Variants in GFRA1 observed in about 807,000 individuals in gnomAD.
The protein encoded by GFRA1 is GDNF family receptor alpha-1.
In GFRA1, 16 loss-of-function variants were observed where a neutral mutation model predicts 51.6. The observed-to-expected ratio is 0.31, with a 90% CI of 0.21 to 0.47. GFRA1 has a LOEUF of 0.47. GFRA1 is among the 20% of genes least tolerant of loss of function. The pLI, the probability that GFRA1 is intolerant of heterozygous loss-of-function variation, is 1.00. For missense variants in GFRA1, 530 were observed against 594.3 expected, an observed-to-expected ratio of 0.89 and a Z score of 1.13; for synonymous variants, 270 against 241.3, an observed-to-expected ratio of 1.12 and a Z score of -1.10.
At chr10:116,095,815 T>A (rs565760679) in intron 7 of GFRA1, among the ~76,000 whole-genome samples, 2 of 152,318 alleles carry the variant, frequency 1.3e-5, no homozygotes, top group East Asian at 3.9e-4. Flanking sequence ...ACACCCTGGC[T>A]GAGCCATCGT....
chr10:116,225,887 C>T (rs144447684), intron 4 of GFRA1, among the ~76,000 whole-genome samples: 1 of 152,310 alleles, frequency 6.6e-6, no homozygotes, highest in East Asian at 1.9e-4. Flanking sequence ...CTGTACCCGA[C>T]TGAAATTAAA....
intron 5 of GFRA1, among the ~76,000 whole-genome samples, chr10:116,185,872 C>A (rs1451171049): frequency 6.6e-6 from 1 of 152,238 alleles, no homozygotes; most frequent in Non-Finnish European, 1.5e-5. Context: ...GTGCTGCTCA[C>A]AATGTCCCAC....
intron 4 of GFRA1, among the ~76,000 whole-genome samples, chr10:116,251,038 T>C (rs1968302628): frequency 6.6e-6 from 1 of 152,234 alleles, no homozygotes; most frequent in East Asian, 1.9e-4. Flanking sequence ...GAGAGGCACA[T>C]TCTGATTTCC....
At chr10:116,191,210 T>C (rs1162194036) in intron 5 of GFRA1, among the ~76,000 whole-genome samples, 1 of 152,224 alleles carries the variant, frequency 6.6e-6, no homozygotes, top group East Asian at 1.9e-4. Context: ...CAGTACTAGT[T>C]ATGCTAGAAC....
chr10:116,224,694 G>A (rs1345529289), intron 4 of GFRA1, among the ~76,000 whole-genome samples: 3 of 152,152 alleles, frequency 2.0e-5, no homozygotes, highest in Non-Finnish European at 4.4e-5. Flanking sequence ...AAGGGGATGA[G>A]GGGGTGACAG....
chr10:116,152,015 T>C (rs753302651), intron 5 of GFRA1, among the ~76,000 whole-genome samples: 8 of 151,974 alleles, frequency 5.3e-5, no homozygotes, highest in South Asian at 4.2e-4. Flanking sequence ...GCTTGGTGAT[T>C]TGAAGAAATG....
chr10:116,235,115 G>A (rs1466879943), intron 4 of GFRA1, among the ~76,000 whole-genome samples: 5 of 152,122 alleles, frequency 3.3e-5, no homozygotes, highest in Non-Finnish European at 5.9e-5. Context: ...TTAGCACTGT[G>A]AGAATGGACT....
chr10:116,255,584 C>G (rs1222029643), intron 4 of GFRA1: 2 of 1,288,328 alleles, frequency 1.6e-6, no homozygotes, highest in Non-Finnish European at 2.0e-6. Context: ...TTAATTTTCT[C>G]TGCTGGCTGG....
At chr10:116,237,496 A>G (rs1459807647) in intron 4 of GFRA1, among the ~76,000 whole-genome samples, 1 of 148,724 alleles carries the variant, frequency 6.7e-6, no homozygotes, top group East Asian at 2.1e-4. Context: ...TGCTATATTT[A>G]CTGCCTGGCA....
chr10:116,132,639 C>A (rs1266148602), intron 5 of GFRA1, among the ~76,000 whole-genome samples: 3 of 152,054 alleles, frequency 2.0e-5, no homozygotes, highest in Non-Finnish European at 4.4e-5. Context: ...CCTGATACTG[C>A]GGATCCTACT....
Position 116,212,796 on chromosome 10 carries a change from T to C in GFRA1, c.419-1151A>G, listed in dbSNP as rs141967309. ...GTTTATTTCTCCACTCGAATGTTGC[T>C]GGACATTGGGTTGTTCTCCACGTTT... On this transcript the variant is annotated intron_variant, in intron 4 of 10. Coordinates refer to ENST00000355422, the MANE Select transcript of GFRA1 (RefSeq NM_005264.8). Among the ~76,000 whole-genome samples, 7 of 152,328 alleles carry C rather than the reference T, an allele frequency of 4.6e-5. No homozygotes were observed. In the East Asian group the frequency reaches 1.4e-3, roughly 29 times the overall value.
At chr10:116,164,434 G>A (rs1212064426) in intron 5 of GFRA1, among the ~76,000 whole-genome samples, 3 of 152,086 alleles carry the variant, frequency 2.0e-5, no homozygotes, top group Admixed American at 6.5e-5. Context: ...GTCTTGCTTT[G>A]GTTTGGGTAA....
chr10:116,258,309 CTCT>C (rs1480281399), intron 4 of GFRA1, among the ~76,000 whole-genome samples: 5 of 149,098 alleles, frequency 3.4e-5, no homozygotes, highest in South Asian at 2.1e-4. Context: ...AAAAACTTAC[CTCT>C]TCTTCTCTTC....
chr10:116,211,664 AGTAGG>A lies in GFRA1; in HGVS notation c.419-24_419-20del. ...AAAACATCTGCCAAGAAAGAAGAAA[AGTAGG>A]GGAGGGGAGAGGGGAGAAAGAGAGG... On this transcript the variant is annotated intron_variant, in intron 4 of 10. Transcript: ENST00000355422. The A allele has an allele frequency of 6.5e-7, 1 of 1,547,418 alleles. No homozygotes were observed. Among genetic ancestry groups the A allele is most frequent in the Non-Finnish European group, 8.7e-7 (1 of 1,143,298 alleles).
intron 9 of GFRA1, among the ~76,000 whole-genome samples, chr10:116,071,661 T>C (rs193083658): frequency 6.6e-6 from 1 of 152,310 alleles, no homozygotes; most frequent in East Asian, 1.9e-4. Flanking sequence ...GCAATTTAGT[T>C]TGAGCTTAGT....
At chr10:116,156,599 A>G (rs1426080583) in intron 5 of GFRA1, among the ~76,000 whole-genome samples, 1 of 152,178 alleles carries the variant, frequency 6.6e-6, no homozygotes, top group Admixed American at 6.5e-5. Flanking sequence ...AAACACCTCA[A>G]TTCCAGGTTG....
At position 116,094,681 on chromosome 10, in the gene GFRA1, G is replaced by A. The variant is rs548774715; in HGVS notation, c.881-845C>T. ...ATAGGTGGTCAGTAGTCCGCAGGGT[G>A]TATTTGGATCACAAACAGAAAAATA... On this transcript the variant is annotated intron_variant, in intron 7 of 10. Transcript: ENST00000355422. Among the ~76,000 whole-genome samples the A allele has an allele frequency of 1.4e-4, 21 of 152,358 alleles. No individual in the cohort carries two copies. The South Asian group carries it at 3.5e-3, about 26-fold the overall frequency.
At chr10:116,120,120 G>A (rs750812194) in intron 6 of GFRA1, among the ~76,000 whole-genome samples, 14 of 152,186 alleles carry the variant, frequency 9.2e-5, no homozygotes, top group Admixed American at 2.0e-4. Flanking sequence ...TGGAGACTAC[G>A]GGGACAGAGA....
At chr10:116,196,576 T>C (rs1253926837) in intron 5 of GFRA1, among the ~76,000 whole-genome samples, 1 of 43,162 alleles carries the variant, frequency 2.3e-5, no homozygotes, top group African/African-American at 7.1e-5. Flanking sequence ...ATAATATATA[T>C]AATATATAGT....
Sources: allele counts gnomAD v4.1 joint callset (sites outside exome capture counted in the v4.1 genomes callset), GRCh38; gene constraint gnomAD v4.1.1; transcripts MANE v1.5; gene names NCBI Gene and HGNC (gene_info 2026-07-23, HGNC 2026-07-21).